The following ARHGAP15 variants were observed in gnomAD, a reference collection of about 807,000 sequenced individuals.
The protein encoded by ARHGAP15 is Rho GTPase activating protein 15, also known as rho GTPase-activating protein 15.
In ARHGAP15, 51 loss-of-function variants were observed where a neutral mutation model predicts 63.7. That is an observed-to-expected ratio of 0.80 (90% CI 0.64 to 1.01). ARHGAP15 has a LOEUF of 1.01. Ranked by LOEUF, ARHGAP15 falls within the 50% of genes least tolerant of loss-of-function variation. The pLI, the probability that ARHGAP15 is intolerant of heterozygous loss-of-function variation, is 0.00. For missense variants in ARHGAP15, 560 were observed against 564.6 expected, an observed-to-expected ratio of 0.99 and a Z score of 0.08; for synonymous variants, 191 against 193.8, an observed-to-expected ratio of 0.99 and a Z score of 0.12.
At chr2:143,380,183 T>C (rs1377438660) in intron 6 of ARHGAP15, among the ~76,000 whole-genome samples, 1 of 152,158 alleles carries the variant, frequency 6.6e-6, no homozygotes, top group Admixed American at 6.6e-5. Context: ...CTGCTTCTTA[T>C]TAGTCTCCTA....
intron 13 of ARHGAP15, among the ~76,000 whole-genome samples, chr2:143,753,640 A>G (rs1426819262): frequency 6.6e-6 from 1 of 152,224 alleles, no homozygotes; most frequent in African/African-American, 2.4e-5. Flanking sequence ...TATTACATAC[A>G]TTTTGAAAGG....
At chr2:143,551,234 C>A (rs1695548699) in intron 10 of ARHGAP15, among the ~76,000 whole-genome samples, 1 of 152,200 alleles carries the variant, frequency 6.6e-6, no homozygotes, top group Non-Finnish European at 1.5e-5. Context: ...TCACTACAGC[C>A]TCAACTTCCT....
chr2:143,439,488 T>G (rs1217692375), intron 8 of ARHGAP15, among the ~76,000 whole-genome samples: 1 of 142,244 alleles, frequency 7.0e-6, no homozygotes, highest in Non-Finnish European at 1.5e-5. Flanking sequence ...TTTCAAAATC[T>G]AACTAATTGT....
intron 10 of ARHGAP15, among the ~76,000 whole-genome samples, chr2:143,520,965 C>T (rs6736741): frequency 0.83 from 126,484 of 152,184 alleles, 52,770 homozygotes; most frequent in African/African-American, 0.88. Context: ...TATAATATTG[C>T]AGAGTAGAAA....
At chr2:143,638,224 C>T (rs937659644) in intron 12 of ARHGAP15, among the ~76,000 whole-genome samples, 9 of 143,532 alleles carry the variant, frequency 6.3e-5, no homozygotes, top group African/African-American at 1.7e-4. Flanking sequence ...CGGCACTATT[C>T]ACGATAGCAA....
At chr2:143,214,624 G>A (rs1244161839) in intron 3 of ARHGAP15, among the ~76,000 whole-genome samples, 1 of 152,164 alleles carries the variant, frequency 6.6e-6, no homozygotes, top group Non-Finnish European at 1.5e-5. Context: ...TAGAGTTGTG[G>A]AGAACATGGT....
At chr2:143,396,355 C>T (rs1687755766) in intron 6 of ARHGAP15, among the ~76,000 whole-genome samples, 1 of 152,092 alleles carries the variant, frequency 6.6e-6, no homozygotes, top group African/African-American at 2.4e-5. Flanking sequence ...ATAGCATCTT[C>T]TCTGTGCCAT....
intron 3 of ARHGAP15, among the ~76,000 whole-genome samples, chr2:143,205,430 T>C (rs562741396): frequency 6.6e-6 from 1 of 152,158 alleles, no homozygotes; most frequent in Non-Finnish European, 1.5e-5. Flanking sequence ...TTTAGTTCTA[T>C]GAGGGCAAGG....
chr2:143,402,988 T>G (rs1688051044), intron 6 of ARHGAP15, among the ~76,000 whole-genome samples: 1 of 151,896 alleles, frequency 6.6e-6, no homozygotes, highest in East Asian at 1.9e-4. Flanking sequence ...TATTAAAACC[T>G]AGTTTCTCAA....
At chr2:143,349,917 T>A (rs568898681) in intron 6 of ARHGAP15, among the ~76,000 whole-genome samples, 3 of 152,302 alleles carry the variant, frequency 2.0e-5, no homozygotes, top group African/African-American at 7.2e-5. Flanking sequence ...TATTAAGATC[T>A]GTAGAAGAAG....
intron 8 of ARHGAP15, among the ~76,000 whole-genome samples, chr2:143,482,571 A>C (rs1246718274): frequency 6.6e-6 from 1 of 152,200 alleles, no homozygotes; most frequent in East Asian, 1.9e-4. Flanking sequence ...CATGTGTTTA[A>C]ATTTTGCTTT....
At chr2:143,372,237 A>G (rs1686592809) in intron 6 of ARHGAP15, among the ~76,000 whole-genome samples, 1 of 151,182 alleles carries the variant, frequency 6.6e-6, no homozygotes, top group African/African-American at 2.4e-5. Flanking sequence ...AGGTACTCGG[A>G]AGGAAGAGGT....
intron 12 of ARHGAP15, chr2:143,676,167 T>C (rs1485600565): frequency 1.3e-5 from 2 of 155,238 alleles, no homozygotes; most frequent in Non-Finnish European, 2.8e-5. Flanking sequence ...TCAGCATTCA[T>C]TGCAATTGAA....
chr2:143,511,918 C>T (rs1344380895), intron 9 of ARHGAP15, among the ~76,000 whole-genome samples: 1 of 152,192 alleles, frequency 6.6e-6, no homozygotes, highest in African/African-American at 2.4e-5. Flanking sequence ...TTTGCAAAGC[C>T]ATGTGATGTG....
At chr2:143,455,680 G>A (rs971144452) in intron 8 of ARHGAP15, among the ~76,000 whole-genome samples, 2 of 152,010 alleles carry the variant, frequency 1.3e-5, no homozygotes, top group African/African-American at 4.8e-5. Flanking sequence ...TTAACAAAAC[G>A]AATATAGTAT....
At chr2:143,620,989 G>A (rs967645412) in intron 11 of ARHGAP15, among the ~76,000 whole-genome samples, 15 of 152,160 alleles carry the variant, frequency 9.9e-5, no homozygotes, top group African/African-American at 3.1e-4. Flanking sequence ...ACCACCTATG[G>A]TAGACTTCGT....
Position 143,699,865 on chromosome 2 carries a change from C to T in ARHGAP15, c.1139-3554C>T, listed in dbSNP as rs116388814. Among the ~76,000 whole-genome samples the T allele has an allele frequency of 9.5e-3, 1,445 of 152,272 alleles. 17 individuals are homozygous for T. The highest frequency in any genetic ancestry group is 0.033 in the African/African-American group (1,367 of 41,570). ...TTGTGCTTGGTACATTACATACTAT[C>T]TTGTTTATTCAACAAAACTACACTT... On this transcript the variant is annotated intron_variant, in intron 12 of 13. Transcript: ENST00000295095.
chr2:143,149,594 C>A (rs546384185), intron 1 of ARHGAP15, among the ~76,000 whole-genome samples: 1 of 151,372 alleles, frequency 6.6e-6, no homozygotes, highest in Non-Finnish European at 1.5e-5. Flanking sequence ...TATTTTTAAC[C>A]CTAAAATATT....
At chr2:143,735,746 T>G (rs1230893650) in intron 13 of ARHGAP15, among the ~76,000 whole-genome samples, 1 of 152,052 alleles carries the variant, frequency 6.6e-6, no homozygotes, top group African/African-American at 2.4e-5. Flanking sequence ...AGAAGAAGAA[T>G]GACTAGAAGT....
Sources: allele counts gnomAD v4.1 joint callset (sites outside exome capture counted in the v4.1 genomes callset), GRCh38; gene constraint gnomAD v4.1.1; transcripts MANE v1.5; gene names NCBI Gene and HGNC (gene_info 2026-07-23, HGNC 2026-07-21).